Variants in CLDN14 observed in about 807,000 individuals in gnomAD.
CLDN14 encodes claudin 14.
CLDN14 carries 2 observed loss-of-function variants against 2.1 expected under a neutral mutation model. That is an observed-to-expected ratio of 0.96 (90% CI 0.39 to 3.01). The LOEUF is 3.01. CLDN14 is among the 30% of genes most tolerant of loss of function. The pLI is 0.09. For synonymous variants in CLDN14, 136 were observed against 154.4 expected (o/e 0.88, Z 0.88); for missense variants, 298 against 328.0 (o/e 0.91, Z 0.71).
At chr21:36,536,792 G>C (rs1281184489) in intron 1 of CLDN14, among the ~76,000 whole-genome samples, 2 of 152,112 alleles carry the variant, frequency 1.3e-5, no homozygotes, top group Non-Finnish European at 2.9e-5. Context: ...CTTTTTAGGA[G>C]TAGATAAGAT....
intron 1 of CLDN14, among the ~76,000 whole-genome samples, chr21:36,520,461 T>C (rs755680092): frequency 2.6e-5 from 4 of 152,190 alleles, no homozygotes; most frequent in African/African-American, 7.2e-5. Context: ...CTCGTGGTAG[T>C]AAATAAGTCT....
intron 2 of CLDN14, among the ~76,000 whole-genome samples, chr21:36,489,117 G>GAAAAAAAAAAAAAA (rs869298653): frequency 5.3e-5 from 3 of 57,010 alleles, no homozygotes; most frequent in African/African-American, 1.5e-4. Flanking sequence ...CTGTCTCAAA[G>GAAAAAAAAAAAAAA]AAAAAAAAAA....
intron 1 of CLDN14, among the ~76,000 whole-genome samples, chr21:36,513,824 T>C (rs1361422456): frequency 1.3e-5 from 2 of 151,888 alleles, no homozygotes; most frequent in Non-Finnish European, 2.9e-5. Context: ...TGATACGAGT[T>C]CTTTCTTTCT....
intron 1 of CLDN14, among the ~76,000 whole-genome samples, chr21:36,519,712 A>AAAC (rs925555183): frequency 2.5e-4 from 18 of 72,944 alleles, no homozygotes; most frequent in Admixed American, 6.2e-4. Flanking sequence ...CCTGTCTAAA[A>AAAC]AACAACAACA....
chr21:36,555,615 C>T (rs1021606152), intron 1 of CLDN14, among the ~76,000 whole-genome samples: 3 of 152,166 alleles, frequency 2.0e-5, no homozygotes, highest in African/African-American at 7.2e-5. Flanking sequence ...TGAAAGCCAG[C>T]TCATTATGAC....
chr21:36,486,456 G>C (rs895301420), intron 2 of CLDN14: 2 of 1,523,750 alleles, frequency 1.3e-6, no homozygotes, highest in Non-Finnish European at 1.8e-6. Context: ...GCCAAGGCCA[G>C]CTGAGGATCA....
At chr21:36,488,775 A>G (rs1448770807) in intron 2 of CLDN14, among the ~76,000 whole-genome samples, 4 of 152,006 alleles carry the variant, frequency 2.6e-5, no homozygotes, top group African/African-American at 4.8e-5. Flanking sequence ...TCACAGAACT[A>G]TGTACTTCAA....
chr21:36,506,596 C>CAAA (rs113812093), intron 2 of CLDN14, among the ~76,000 whole-genome samples: 1 of 105,536 alleles, frequency 9.5e-6, no homozygotes, highest in East Asian at 2.9e-4. Context: ...GACTCTGTCT[C>CAAA]AAAAAAAAAA....
At chr21:36,541,447 C>CA (rs757579735) in intron 1 of CLDN14, among the ~76,000 whole-genome samples, 7 of 151,988 alleles carry the variant, frequency 4.6e-5, no homozygotes, top group Non-Finnish European at 7.4e-5. Flanking sequence ...CAACTACAAG[C>CA]AAAAAACCTT....
chr21:36,485,371 G>A (rs1291855102), intron 2 of CLDN14, among the ~76,000 whole-genome samples: 1 of 152,000 alleles, frequency 6.6e-6, no homozygotes, highest in Admixed American at 6.6e-5. Flanking sequence ...ACCATGTCTG[G>A]CTAATTTTTG....
At chr21:36,523,215 G>A (rs759193455) in intron 1 of CLDN14, among the ~76,000 whole-genome samples, 3 of 152,170 alleles carry the variant, frequency 2.0e-5, no homozygotes, top group Non-Finnish European at 2.9e-5. Context: ...ATAACAGGCT[G>A]GTTTCATGCA....
rs565202602 is a variant in CLDN14 at position 36,544,883 on chromosome 21, C to G, written c.-220+31528G>C. ...TGAAAGTAACTTAATAACAAAACCA[C>G]AATGCTCTCTGTTATTAATCCTGGC... is the stretch of plus-strand genomic sequence containing the variant. On this transcript the variant is annotated intron_variant, in intron 1 of 2. Transcript: ENST00000342108. This position sits in a 1 kb window ranked among gnomAD's most constrained non-coding sequence, Gnocchi z 4.1. 6.6e-6 allele frequency among the ~76,000 whole-genome samples: 1 copy of G among 152,358 alleles called. No homozygotes were observed. Among genetic ancestry groups the G allele is most frequent in the East Asian group, 1.9e-4 (1 of 5,192 alleles).
At chr21:36,474,699 CTTGTTTTGCTG>C (rs953062162) in intron 1 of CLDN14, among the ~76,000 whole-genome samples, 3 of 152,018 alleles carry the variant, frequency 2.0e-5, no homozygotes, top group Non-Finnish European at 4.4e-5. Flanking sequence ...AGAGAGGACC[CTTGTTTTGCTG>C]TTGTTTTGAA....
upstream of CLDN14, among the ~76,000 whole-genome samples, chr21:36,485,000 C>CCATGTCTGGCTAATTTTTGTATTT (rs1450841786): frequency 6.3e-4 from 96 of 151,736 alleles, no homozygotes; most frequent in Admixed American, 1.1e-3. Context: ...GCATGAGCCA[C>CCATGTCTGGCTAATTTTTGTATTT]TGTACTGGGC....
rs1028263016 is a variant in CLDN14 at position 36,498,294 on chromosome 21, C to T, written c.-82+12069G>A. ...GGGATTATAGACATGAGCCACTGCGCCCAGACAGGAAGATGCGTTTGTGAG... is the reference window on the plus strand; with the variant it reads ...GGGATTATAGACATGAGCCACTGCGTCCAGACAGGAAGATGCGTTTGTGAG... On this transcript the variant is annotated intron_variant, in intron 2 of 2. Coordinates refer to the CLDN14 transcript ENST00000342108. This position sits in a 1 kb window ranked among gnomAD's most constrained non-coding sequence, Gnocchi z 4.9. Among the ~76,000 whole-genome samples the T allele has an allele frequency of 1.6e-4, 24 of 152,130 alleles. No individual in the cohort carries two copies. The highest frequency in any genetic ancestry group is 1.6e-3 in the Admixed American group (24 of 15,264).
At chr21:36,515,726 C>T (rs951313103) in intron 1 of CLDN14, among the ~76,000 whole-genome samples, 7 of 149,506 alleles carry the variant, frequency 4.7e-5, no homozygotes, top group Admixed American at 1.3e-4. Context: ...ACAGGACACT[C>T]GGGTACTAAA....
intron 2 of CLDN14, among the ~76,000 whole-genome samples, chr21:36,489,367 C>T (rs866721607): frequency 6.6e-6 from 1 of 152,072 alleles, no homozygotes; most frequent in Non-Finnish European, 1.5e-5. Flanking sequence ...TACCTCCCTC[C>T]CTTCTCAGTT....
intron 1 of CLDN14, among the ~76,000 whole-genome samples, chr21:36,519,631 AC>A (rs1439589680): frequency 6.6e-6 from 1 of 152,194 alleles, no homozygotes; most frequent in Non-Finnish European, 1.5e-5. Context: ...AATCTTTTGA[AC>A]CCGGCAGGTG....
intron 1 of CLDN14, among the ~76,000 whole-genome samples, chr21:36,559,800 C>G (rs559624467): frequency 2.6e-5 from 4 of 152,324 alleles, no homozygotes; most frequent in Non-Finnish European, 5.9e-5. Context: ...CTGTTCTCAT[C>G]TTGTTACCCT....
Sources: gnomAD v4.1 joint callset for allele counts (sites outside exome capture counted in the v4.1 genomes callset) on GRCh38, gnomAD v4.1.1 for gene constraint, Gnocchi (gnomAD v3.1) non-coding constraint, MANE v1.5 for transcripts, NCBI Gene and HGNC (gene_info 2026-07-23, HGNC 2026-07-21) for gene names.